The following HS6ST3 variants were observed in gnomAD, a reference collection of about 807,000 sequenced individuals.
The protein encoded by HS6ST3 is heparan-sulfate 6-O-sulfotransferase 3.
Under a neutral mutation model 36.7 loss-of-function variants are expected in HS6ST3, and 12 were observed. The observed-to-expected ratio is 0.33, with a 90% CI of 0.21 to 0.53. The LOEUF (loss-of-function observed/expected upper bound fraction) is 0.53. Among genes scored for constraint, HS6ST3 ranks in the 20% least tolerant of loss-of-function variants. The probability of loss-of-function intolerance (pLI) is 0.95; values close to 1 mark genes in which losing one functional copy is unlikely to be tolerated. For missense variants in HS6ST3, 584 were observed against 640.9 expected, an observed-to-expected ratio of 0.91 and a Z score of 0.96; for synonymous variants, 240 against 257.5, an observed-to-expected ratio of 0.93 and a Z score of 0.65.
At chr13:96,147,572 A>G (rs538598910) in intron 1 of HS6ST3, among the ~76,000 whole-genome samples, 50 of 152,194 alleles carry the variant, frequency 3.3e-4, no homozygotes, top group Non-Finnish European at 6.3e-4. Context: ...GTTTTCTCCA[A>G]GTACTCTGGT....
chr13:96,619,039 C>T (rs1040254579), intron 1 of HS6ST3, among the ~76,000 whole-genome samples: 2 of 151,364 alleles, frequency 1.3e-5, no homozygotes. Context: ...CCTTTTTAAA[C>T]CAATGTGAAG....
chr13:96,374,334 GTTTTA>G (rs2055304587), intron 1 of HS6ST3, among the ~76,000 whole-genome samples: 1 of 152,020 alleles, frequency 6.6e-6, no homozygotes, highest in South Asian at 2.1e-4. Context: ...CTTTTTTATA[GTTTTA>G]TTTTGAGTCT....
chr13:96,722,501 C>T (rs543883335), intron 1 of HS6ST3, among the ~76,000 whole-genome samples: 6 of 152,102 alleles, frequency 3.9e-5, no homozygotes, highest in Non-Finnish European at 8.8e-5. Flanking sequence ...GGTCGTGACT[C>T]TTATATTTTC....
At chr13:96,365,849 C>T (rs975242165) in intron 1 of HS6ST3, among the ~76,000 whole-genome samples, 1 of 152,044 alleles carries the variant, frequency 6.6e-6, no homozygotes, top group Non-Finnish European at 1.5e-5. Flanking sequence ...TTTTGTGTTA[C>T]AGTTTCACCA....
At position 96,381,791 on chromosome 13, in the gene HS6ST3, A is replaced by G. The variant is rs141809630; in HGVS notation, c.707+290222A>G. Among the ~76,000 whole-genome samples, 830 of 152,186 alleles carry G rather than the reference A, an allele frequency of 5.5e-3. 5 individuals carry two copies. Among genetic ancestry groups the G allele is most frequent in the South Asian group, 0.02 (97 of 4,818 alleles). ...TTTTGTTTGTTTGTTTGTTTTTACC[A>G]TTGATGAAGGAGAGATTCCCGCCCT... On this transcript the variant is annotated intron_variant, in intron 1 of 1. Coordinates refer to ENST00000376705, the MANE Select transcript of HS6ST3 (RefSeq NM_153456.4).
intron 1 of HS6ST3, among the ~76,000 whole-genome samples, chr13:96,369,289 C>A (rs1199685932): frequency 6.6e-6 from 1 of 152,104 alleles, no homozygotes; most frequent in Non-Finnish European, 1.5e-5. Flanking sequence ...GGAGATACTC[C>A]TTTGGAACCA....
chr13:96,153,384 G>T (rs529602871), intron 1 of HS6ST3, among the ~76,000 whole-genome samples: 46 of 152,252 alleles, frequency 3.0e-4, no homozygotes, highest in African/African-American at 1.1e-3. Flanking sequence ...CAATGCGGGG[G>T]TATTTCCGGG....
chr13:96,340,751 G>A (rs2055126025), intron 1 of HS6ST3, among the ~76,000 whole-genome samples: 1 of 152,176 alleles, frequency 6.6e-6, no homozygotes, highest in Non-Finnish European at 1.5e-5. Flanking sequence ...CCATCTCAGG[G>A]CTTAACATAC....
chr13:96,599,353 CT>C (rs1341350814), intron 1 of HS6ST3, among the ~76,000 whole-genome samples: 2 of 151,972 alleles, frequency 1.3e-5, no homozygotes, highest in African/African-American at 2.4e-5. Context: ...CTATTTCTTC[CT>C]GATTCAGGCT....
intron 1 of HS6ST3, among the ~76,000 whole-genome samples, chr13:96,405,100 TC>T (rs1265462071): frequency 1.3e-5 from 2 of 152,196 alleles, no homozygotes; most frequent in Non-Finnish European, 2.9e-5. Flanking sequence ...CAATTAAACC[TC>T]TTTCTTTTGT....
chr13:96,633,221 G>A (rs2056537924), intron 1 of HS6ST3, among the ~76,000 whole-genome samples: 1 of 152,130 alleles, frequency 6.6e-6, no homozygotes, highest in Admixed American at 6.6e-5. Flanking sequence ...ACATAAATGG[G>A]AGGCATATGC....
intron 1 of HS6ST3, among the ~76,000 whole-genome samples, chr13:96,302,742 GTA>G: frequency 6.6e-6 from 1 of 152,032 alleles, no homozygotes; most frequent in East Asian, 1.9e-4. Flanking sequence ...AATAATATAC[GTA>G]TAATATATAA....
At chr13:96,702,121 G>A (rs1371152088) in intron 1 of HS6ST3, among the ~76,000 whole-genome samples, 12 of 152,202 alleles carry the variant, frequency 7.9e-5, no homozygotes, top group Non-Finnish European at 4.4e-5. Context: ...GGACCGTATC[G>A]ATGGAGTTAC....
intron 1 of HS6ST3, among the ~76,000 whole-genome samples, chr13:96,765,754 A>G (rs564691843): frequency 1.3e-5 from 2 of 152,238 alleles, no homozygotes; most frequent in African/African-American, 2.4e-5. Context: ...TGTACTAAAT[A>G]TAGACTGAGT....
At chr13:96,272,545 C>A in intron 1 of HS6ST3, among the ~76,000 whole-genome samples, 1 of 151,684 alleles carries the variant, frequency 6.6e-6, no homozygotes, top group East Asian at 1.9e-4. Flanking sequence ...TTTGAGTACC[C>A]CAATAGTAGT....
intron 1 of HS6ST3, among the ~76,000 whole-genome samples, chr13:96,598,870 T>A (rs1229248446): frequency 1.3e-5 from 2 of 152,130 alleles, no homozygotes; most frequent in African/African-American, 4.8e-5. Context: ...TTTTTGAAGG[T>A]TTCTATCATA....
At position 96,633,092 on chromosome 13, in the gene HS6ST3, C is replaced by T. The variant is rs2056537378; in HGVS notation, c.708-199398C>T. ...GGAAGTAGCAGAATTGGCAGTGTGC[C>T]TCACCCCTGCAGTGAGTGAAAACAT... On this transcript the variant is annotated intron_variant, in intron 1 of 1. Coordinates refer to ENST00000376705, the MANE Select transcript of HS6ST3 (RefSeq NM_153456.4). Among the ~76,000 whole-genome samples the T allele has an allele frequency of 1.3e-5, 2 of 152,150 alleles. 1 individual carries two copies. Among genetic ancestry groups the T allele is most frequent in the South Asian group, 4.1e-4 (2 of 4,824 alleles).
At chr13:96,285,140 G>A (rs916226952) in intron 1 of HS6ST3, among the ~76,000 whole-genome samples, 26 of 151,840 alleles carry the variant, frequency 1.7e-4, no homozygotes, top group African/African-American at 5.1e-4. Flanking sequence ...ATAATCAACC[G>A]GTAAAAAAAG....
chr13:96,545,704 C>A (rs1357694605), intron 1 of HS6ST3, among the ~76,000 whole-genome samples: 1 of 152,096 alleles, frequency 6.6e-6, no homozygotes, highest in African/African-American at 2.4e-5. Context: ...GTTCTTATTG[C>A]CATTGTAAAG....
Sources: gnomAD v4.1 joint callset for allele counts (sites outside exome capture counted in the v4.1 genomes callset) on GRCh38, gnomAD v4.1.1 for gene constraint, MANE v1.5 for transcripts, NCBI Gene and HGNC (gene_info 2026-07-23, HGNC 2026-07-21) for gene names.